The following NR2F1-AS1 variants were observed in gnomAD, a reference collection of about 807,000 sequenced individuals.
NR2F1-AS1 encodes NR2F1 regulatory antisense RNA 1.
At chr5:93,570,637 C>T (rs989595602) in intron 1 of NR2F1-AS1, 4 of 152,208 alleles carry the variant, frequency 2.6e-5, no homozygotes, top group Non-Finnish European at 5.9e-5. Flanking sequence ...TCTTGAATGC[C>T]CCCGGCGCAG....
intron 4 of NR2F1-AS1, among the ~76,000 whole-genome samples, chr5:93,514,708 T>C (rs1207289601): frequency 1.3e-5 from 2 of 152,076 alleles, no homozygotes; most frequent in African/African-American, 4.8e-5. Flanking sequence ...TCTAATATTA[T>C]ACAAGAGTAT....
intron 4 of NR2F1-AS1, among the ~76,000 whole-genome samples, chr5:93,523,886 T>C (rs1160969562): frequency 1.3e-5 from 2 of 151,584 alleles, no homozygotes; most frequent in Non-Finnish European, 1.5e-5. Flanking sequence ...GATAAATCCA[T>C]GAAAATAAGG....
intron 1 of NR2F1-AS1, among the ~76,000 whole-genome samples, chr5:93,564,101 C>CAAAAAAAAAAAACAAAAAAA: frequency 4.0e-5 from 1 of 25,278 alleles, no homozygotes; most frequent in South Asian, 2.7e-3. Context: ...GACTCCGTCT[C>CAAAAAAAAAAAACAAAAAAA]AAAAAAAAAA....
chr5:93,521,182 C>G (rs1404593986), intron 4 of NR2F1-AS1, among the ~76,000 whole-genome samples: 1 of 152,144 alleles, frequency 6.6e-6, no homozygotes, highest in Non-Finnish European at 1.5e-5. Flanking sequence ...AAGATTGAAG[C>G]TGGACCCCTT....
chr5:93,428,070 T>C (rs557764736), intron 4 of NR2F1-AS1, among the ~76,000 whole-genome samples: 1 of 152,360 alleles, frequency 6.6e-6, no homozygotes, highest in East Asian at 1.9e-4. Flanking sequence ...CTATACAGTA[T>C]AGAATGAGCA....
intron 4 of NR2F1-AS1, among the ~76,000 whole-genome samples, chr5:93,447,115 G>C (rs1219224231): frequency 6.6e-6 from 1 of 152,052 alleles, no homozygotes; most frequent in Non-Finnish European, 1.5e-5. Context: ...AGAAAACCTA[G>C]GCAATACCAT....
chr5:93,582,015 C>G (rs1753104024), upstream of NR2F1-AS1, among the ~76,000 whole-genome samples: 1 of 139,126 alleles, frequency 7.2e-6, no homozygotes, highest in Non-Finnish European at 1.6e-5. Flanking sequence ...CTCTCTCTCT[C>G]TCTCTCAATA....
At chr5:93,412,504 T>C (rs1228228912) in intron 4 of NR2F1-AS1, among the ~76,000 whole-genome samples, 1 of 152,220 alleles carries the variant, frequency 6.6e-6, no homozygotes, top group Non-Finnish European at 1.5e-5. Flanking sequence ...AATTCTATAT[T>C]TGACCACAAA....
chr5:93,487,681 T>C (rs1173422654), intron 4 of NR2F1-AS1, among the ~76,000 whole-genome samples: 3 of 152,158 alleles, frequency 2.0e-5, no homozygotes, highest in Non-Finnish European at 2.9e-5. Context: ...AAGTAATTTA[T>C]AGATTCAATG....
At chr5:93,495,199 G>A (rs1261825969) in intron 4 of NR2F1-AS1, among the ~76,000 whole-genome samples, 5 of 152,048 alleles carry the variant, frequency 3.3e-5, no homozygotes, top group Non-Finnish European at 7.4e-5. Context: ...AATCTCCATA[G>A]GGTTTACATA....
In NR2F1-AS1 at chr5:93,566,230, T is replaced by C. The variant is rs555741361; in HGVS notation, n.314-2767A>G. Among the ~76,000 whole-genome samples, 4 of 152,146 alleles carry C rather than the reference T, an allele frequency of 2.6e-5. No individual in the cohort carries two copies. The East Asian group carries it at 5.8e-4, about 22-fold the overall frequency. On this transcript the variant is annotated intron_variant and non_coding_transcript_variant, in intron 1 of 5. Coordinates refer to ENST00000660523, the Ensembl canonical transcript of NR2F1-AS1. ...TACCATAATAGCTATTTAATTGTTA[T>C]CATTATGATGTAGATATATAATGGA... is the stretch of plus-strand genomic sequence containing the variant.
At chr5:93,454,801 G>A (rs1749911508) in intron 4 of NR2F1-AS1, among the ~76,000 whole-genome samples, 1 of 152,152 alleles carries the variant, frequency 6.6e-6, no homozygotes, top group Non-Finnish European at 1.5e-5. Context: ...CTGAAGTACA[G>A]GGTTCAGAGA....
intron 4 of NR2F1-AS1, among the ~76,000 whole-genome samples, chr5:93,425,748 C>T (rs1022669734): frequency 6.6e-5 from 10 of 152,130 alleles, no homozygotes; most frequent in African/African-American, 2.2e-4. Context: ...ATTATTCCCT[C>T]ATACGTTCCC....
intron 4 of NR2F1-AS1, chr5:93,545,065 T>C (rs1220392001): frequency 6.6e-6 from 1 of 152,162 alleles, no homozygotes; most frequent in Non-Finnish European, 1.5e-5. Flanking sequence ...AGAGATGGAT[T>C]GGATATTAAA....
intron 4 of NR2F1-AS1, among the ~76,000 whole-genome samples, chr5:93,548,104 T>G (rs1016995844): frequency 6.6e-6 from 1 of 152,160 alleles, no homozygotes; most frequent in Non-Finnish European, 1.5e-5. Context: ...TCTTAAATAT[T>G]TTCCTTCAGT....
upstream of NR2F1-AS1, chr5:93,583,954 AC>A (rs1753175129): frequency 6.6e-6 from 1 of 151,960 alleles, no homozygotes; most frequent in Non-Finnish European, 1.5e-5. Flanking sequence ...CACCGGCACA[AC>A]AAAAAGAGCA....
chr5:93,482,060 TAAAAC>T (rs1750611528), intron 4 of NR2F1-AS1, among the ~76,000 whole-genome samples: 2 of 150,850 alleles, frequency 1.3e-5, no homozygotes, highest in Admixed American at 1.3e-4. Flanking sequence ...AGAGAAAAGA[TAAAAC>T]AGAAAGGAGA....
chr5:93,460,596 C>T (rs1750067315), intron 4 of NR2F1-AS1, among the ~76,000 whole-genome samples: 1 of 152,128 alleles, frequency 6.6e-6, no homozygotes, highest in Non-Finnish European at 1.5e-5. Flanking sequence ...GTACAACCCA[C>T]TACTCTCACC....
chr5:93,466,909 G>T (rs1357498075), intron 4 of NR2F1-AS1, among the ~76,000 whole-genome samples: 4 of 136,694 alleles, frequency 2.9e-5, no homozygotes, highest in African/African-American at 1.1e-4. Flanking sequence ...TTTTTTGGGG[G>T]GGGGGGGGGT....
Sources: gnomAD v4.1 joint callset for allele counts (sites outside exome capture counted in the v4.1 genomes callset) on GRCh38, gnomAD v4.1.1 for gene constraint, MANE v1.5 for transcripts, NCBI Gene and HGNC (gene_info 2026-07-23, HGNC 2026-07-21) for gene names.